FOXP2: variants seen among roughly 807,000 people sequenced by gnomAD.
FOXP2 encodes the protein forkhead box P2, also known as forkhead box protein P2.
FOXP2 carries 12 observed loss-of-function variants against 115.8 expected under a neutral mutation model. That is an observed-to-expected ratio of 0.10 (90% CI 0.07 to 0.17). The LOEUF (loss-of-function observed/expected upper bound fraction) is 0.17, where lower values mean the gene tolerates loss of function less well. Among genes scored for constraint, FOXP2 ranks in the 10% least tolerant of loss-of-function variants. The pLI is 1.00. For missense variants in FOXP2, 629 were observed against 843.5 expected (o/e 0.75, Z 3.15); for synonymous variants, 328 against 297.7 (o/e 1.10, Z -1.05).
chr7:114,536,317 G>T (rs1799389385), intron 3 of FOXP2, among the ~76,000 whole-genome samples: 1 of 150,842 alleles, frequency 6.6e-6, no homozygotes, highest in Non-Finnish European at 1.5e-5. Context: ...CCTCTCCAAA[G>T]CTAAGTCCAG....
chr7:114,650,548 C>T (rs1806191129), intron 8 of FOXP2, among the ~76,000 whole-genome samples: 1 of 151,982 alleles, frequency 6.6e-6, no homozygotes, highest in Non-Finnish European at 1.5e-5. Context: ...GGAAAAAACC[C>T]TGGGAAACAA....
chr7:114,164,885 A>G (rs1456505744), intron 1 of FOXP2, among the ~76,000 whole-genome samples: 1 of 152,170 alleles, frequency 6.6e-6, no homozygotes, highest in African/African-American at 2.4e-5. Context: ...TACAGAAATA[A>G]GAATGAACAA....
chr7:114,495,573 T>G (rs1797285018), intron 2 of FOXP2, among the ~76,000 whole-genome samples: 1 of 138,962 alleles, frequency 7.2e-6, no homozygotes, highest in Admixed American at 7.7e-5. Context: ...TGTTGCAATC[T>G]CAGCTCACTG....
At position 114,214,794 on chromosome 7, in the gene FOXP2, ATT is replaced by A. The variant is rs1794447348; in HGVS notation, c.-102+51709_-102+51710del. ...TGGGCTCAGTATGCAATTTTTAAGC[ATT>A]TTGTTAGTTTCCTAGGGAGCAAAAC... is the stretch of plus-strand genomic sequence containing the variant. On this transcript the variant is annotated intron_variant, in intron 1 of 17. Transcript: ENST00000634411. Among the ~76,000 whole-genome samples, 6 of 152,282 alleles carry A rather than the reference ATT, an allele frequency of 3.9e-5. No homozygotes were observed. In the South Asian group the frequency reaches 1.2e-3, roughly 32 times the overall value.
intron 1 of FOXP2, among the ~76,000 whole-genome samples, chr7:114,165,769 C>A (rs931748023): frequency 6.6e-6 from 1 of 152,112 alleles, no homozygotes; most frequent in African/African-American, 2.4e-5. Context: ...CAAACTAATT[C>A]ATGAGTTTAT....
At chr7:114,663,322 G>T in intron 14 of FOXP2, 128 bp from the exon 15 acceptor site, 1 of 667,038 alleles carries the variant, frequency 1.5e-6, no homozygotes, top group South Asian at 1.7e-5. Flanking sequence ...TATTTTTGTG[G>T]CCTTATATAC....
chr7:114,495,948 T>G (rs896763762), intron 2 of FOXP2, among the ~76,000 whole-genome samples: 1 of 152,218 alleles, frequency 6.6e-6, no homozygotes, highest in Non-Finnish European at 1.5e-5. Context: ...AAAACATTTT[T>G]TTTCTTTAGC....
chr7:114,136,054 A>G (rs1385804988), intron 1 of FOXP2, among the ~76,000 whole-genome samples: 1 of 152,108 alleles, frequency 6.6e-6, no homozygotes, highest in African/African-American at 2.4e-5. Flanking sequence ...ATAAAACACA[A>G]TTCTGGGGAG....
At chr7:114,267,158 C>T (rs1042210073) in intron 1 of FOXP2, among the ~76,000 whole-genome samples, 2 of 151,940 alleles carry the variant, frequency 1.3e-5, no homozygotes, top group African/African-American at 4.8e-5. Context: ...GAGCATGTAC[C>T]CTGTAGACTT....
At chr7:114,182,801 G>A (rs374880145) in intron 1 of FOXP2, among the ~76,000 whole-genome samples, 1 of 151,862 alleles carries the variant, frequency 6.6e-6, no homozygotes, top group Non-Finnish European at 1.5e-5. Context: ...ACTAAAACAA[G>A]TCTAATTTTG....
chr7:114,186,386 A>C (rs1793608305), intron 1 of FOXP2, among the ~76,000 whole-genome samples: 1 of 152,194 alleles, frequency 6.6e-6, no homozygotes, highest in Non-Finnish European at 1.5e-5. Flanking sequence ...AGAAATAGGT[A>C]AGAAAAAAAT....
intron 1 of FOXP2, among the ~76,000 whole-genome samples, chr7:114,230,628 T>A (rs1259775480): frequency 2.0e-5 from 3 of 152,018 alleles, no homozygotes; most frequent in Admixed American, 6.6e-5. Context: ...AATCACATGA[T>A]CATTAGAATA....
At chr7:114,112,991 G>A (rs1183319433) in intron 1 of FOXP2, among the ~76,000 whole-genome samples, 1 of 152,132 alleles carries the variant, frequency 6.6e-6, no homozygotes, top group Non-Finnish European at 1.5e-5. Flanking sequence ...AGAGTCTTGA[G>A]TGTATTGCGC....
intron 1 of FOXP2, among the ~76,000 whole-genome samples, chr7:114,185,486 AG>A (rs2129156088): frequency 6.6e-6 from 1 of 152,316 alleles, no homozygotes; most frequent in South Asian, 2.1e-4. Context: ...TGCAATATAA[AG>A]CACTTAGCCT....
At chr7:114,602,415 T>A (rs1803078211) in intron 3 of FOXP2, among the ~76,000 whole-genome samples, 1 of 152,074 alleles carries the variant, frequency 6.6e-6, no homozygotes, top group Non-Finnish European at 1.5e-5. Context: ...TGGGTTATAT[T>A]TAAGTATTGA....
At chr7:114,479,380 G>A (rs1233270444) in intron 2 of FOXP2, among the ~76,000 whole-genome samples, 3 of 151,406 alleles carry the variant, frequency 2.0e-5, no homozygotes. Context: ...GAAATGCTGT[G>A]TGTTACGCTT....
intron 2 of FOXP2, among the ~76,000 whole-genome samples, chr7:114,365,154 A>G (rs1791847613): frequency 6.6e-6 from 1 of 152,170 alleles, no homozygotes; most frequent in Non-Finnish European, 1.5e-5. Context: ...TAAAAATTAC[A>G]ATTTAACAAA....
intron 1 of FOXP2, among the ~76,000 whole-genome samples, chr7:114,281,355 G>T (rs1166729121): frequency 1.3e-5 from 2 of 151,914 alleles, no homozygotes; most frequent in Non-Finnish European, 2.9e-5. Context: ...ACCCTCCTTG[G>T]CCTCCCAAAG....
chr7:114,158,702 G>A (rs1378337970), upstream of FOXP2, among the ~76,000 whole-genome samples: 1 of 151,982 alleles, frequency 6.6e-6, no homozygotes, highest in Non-Finnish European at 1.5e-5. Flanking sequence ...GAAACCTAAC[G>A]ACTACATGCA....
Sources: allele counts gnomAD v4.1 joint callset (sites outside exome capture counted in the v4.1 genomes callset), GRCh38; gene constraint gnomAD v4.1.1; transcripts MANE v1.5; gene names NCBI Gene and HGNC (gene_info 2026-07-23, HGNC 2026-07-21).